The following ASIC2 variants were observed in gnomAD, a reference collection of about 807,000 sequenced individuals.
ASIC2 encodes the protein acid-sensing ion channel 2.
A neutral mutation model predicts 57.3 loss-of-function variants in ASIC2; 25 were observed. The ratio of observed to expected loss-of-function variants is 0.44; its 90% CI spans 0.32 to 0.61. The LOEUF (loss-of-function observed/expected upper bound fraction) is 0.61, where lower values mean the gene tolerates loss of function less well. Among genes scored for constraint, ASIC2 ranks in the 20% least tolerant of loss-of-function variants. The pLI is 0.06. For synonymous variants in ASIC2, 319 were observed against 307.5 expected (o/e 1.04, Z -0.39); for missense variants, 641 against 738.1 (o/e 0.87, Z 1.52).
chr17:33,391,672 A>G (rs1909895734), intron 1 of ASIC2, among the ~76,000 whole-genome samples: 1 of 152,172 alleles, frequency 6.6e-6, no homozygotes, highest in South Asian at 2.1e-4. Context: ...GTTGCACTCA[A>G]TTCCCCCAAT....
chr17:34,124,817 A>G (rs903492245), intron 1 of ASIC2, among the ~76,000 whole-genome samples: 1 of 151,742 alleles, frequency 6.6e-6, no homozygotes, highest in African/African-American at 2.4e-5. Flanking sequence ...GGGTCTCCAC[A>G]CTCATTAACT....
chr17:33,042,263 G>A (rs941243856), intron 3 of ASIC2, among the ~76,000 whole-genome samples: 1 of 152,200 alleles, frequency 6.6e-6, no homozygotes, highest in Non-Finnish European at 1.5e-5. Context: ...TCCTGCCTCT[G>A]CCTGGCTTCA....
chr17:34,075,630 GC>G (rs2142072890), intron 1 of ASIC2, among the ~76,000 whole-genome samples: 1 of 152,040 alleles, frequency 6.6e-6, no homozygotes, highest in African/African-American at 2.4e-5. Context: ...AGCTACAACA[GC>G]CCACCCAATC....
At chr17:33,493,171 C>T (rs540317290) in intron 1 of ASIC2, among the ~76,000 whole-genome samples, 5 of 152,296 alleles carry the variant, frequency 3.3e-5, no homozygotes, top group African/African-American at 1.2e-4. Context: ...GTTATGGTTT[C>T]TTCAGGCTCC....
At chr17:33,376,483 A>G (rs1483464240) in intron 1 of ASIC2, among the ~76,000 whole-genome samples, 4 of 152,202 alleles carry the variant, frequency 2.6e-5, no homozygotes, top group Non-Finnish European at 1.5e-5. Flanking sequence ...TGCATGGAAT[A>G]ATCAATCTTA....
At chr17:34,025,668 C>T (rs1319420685) in intron 1 of ASIC2, among the ~76,000 whole-genome samples, 1 of 152,182 alleles carries the variant, frequency 6.6e-6, no homozygotes, top group African/African-American at 2.4e-5. Context: ...AATGTAATAG[C>T]AGGTTAGGAT....
At chr17:33,410,614 G>A (rs1910625655) in intron 1 of ASIC2, among the ~76,000 whole-genome samples, 1 of 152,114 alleles carries the variant, frequency 6.6e-6, no homozygotes, top group Admixed American at 6.5e-5. Context: ...CTCAGTGCTT[G>A]TCCTTGCCAT....
intron 1 of ASIC2, among the ~76,000 whole-genome samples, chr17:33,392,242 T>C (rs1439183055): frequency 6.9e-6 from 1 of 145,334 alleles, no homozygotes; most frequent in African/African-American, 2.6e-5. Flanking sequence ...TTCCTTCCTT[T>C]TCTTTCTTTC....
chr17:33,441,784 C>T (rs919430406), intron 1 of ASIC2, among the ~76,000 whole-genome samples: 8 of 152,126 alleles, frequency 5.3e-5, no homozygotes, highest in Admixed American at 3.9e-4. Context: ...CCCCTTTTGT[C>T]CAATCATACT....
chr17:33,634,929 C>T (rs1224408849), intron 1 of ASIC2: 1 of 151,994 alleles, frequency 6.6e-6, no homozygotes, highest in Non-Finnish European at 1.5e-5. Context: ...AACTGGCAAA[C>T]AAAGAAATAG....
At chr17:33,473,586 C>G (rs1282839672) in intron 1 of ASIC2, among the ~76,000 whole-genome samples, 1 of 152,138 alleles carries the variant, frequency 6.6e-6, no homozygotes, top group African/African-American at 2.4e-5. Context: ...TGCCCATGAC[C>G]TGGAGAGGTG....
At chr17:33,693,043 G>T (rs3115692) in intron 1 of ASIC2, among the ~76,000 whole-genome samples, 1 of 152,146 alleles carries the variant, frequency 6.6e-6, no homozygotes, top group Non-Finnish European at 1.5e-5. Flanking sequence ...TGGAGGCTCA[G>T]TTGCCTCAAT....
chr17:33,798,624 T>C (rs1019477192), intron 1 of ASIC2, among the ~76,000 whole-genome samples: 3 of 152,228 alleles, frequency 2.0e-5, no homozygotes, highest in Non-Finnish European at 1.5e-5. Flanking sequence ...TTGTGTGTTC[T>C]GTGCCGATGG....
chr17:33,275,557 C>T (rs887667490), intron 1 of ASIC2, among the ~76,000 whole-genome samples: 100 of 152,202 alleles, frequency 6.6e-4, no homozygotes, highest in African/African-American at 2.1e-3. Flanking sequence ...AGCTTAGACC[C>T]GGACTCTTGC....
intron 1 of ASIC2, among the ~76,000 whole-genome samples, chr17:33,673,820 T>A (rs1907718647): frequency 6.6e-6 from 1 of 152,054 alleles, no homozygotes; most frequent in Non-Finnish European, 1.5e-5. Flanking sequence ...TGAAGCTTTG[T>A]AAAGATGTGG....
At chr17:33,157,527 A>G (rs1905040152) in intron 1 of ASIC2, among the ~76,000 whole-genome samples, 1 of 152,180 alleles carries the variant, frequency 6.6e-6, no homozygotes, top group African/African-American at 2.4e-5. Context: ...TAAGTAAACT[A>G]CATCCTTATA....
chr17:33,853,974 T>G (rs1913845175), intron 1 of ASIC2, among the ~76,000 whole-genome samples: 1 of 152,170 alleles, frequency 6.6e-6, no homozygotes, highest in South Asian at 2.1e-4. Flanking sequence ...AGTTTATCTC[T>G]AAAAAAGTTG....
chr17:33,958,319 A>G (rs1904807382), intron 1 of ASIC2, among the ~76,000 whole-genome samples: 2 of 152,138 alleles, frequency 1.3e-5, no homozygotes, highest in African/African-American at 4.8e-5. Context: ...GCCCCATTGG[A>G]AACTTTGTGT....
Position 33,218,785 on chromosome 17 carries a change from C to T in ASIC2, c.708+72623G>A, listed in dbSNP as rs78356532. Among the ~76,000 whole-genome samples the T allele has an allele frequency of 0.01, 1,581 of 152,138 alleles. 66 individuals carry two copies. The East Asian group carries it at 0.13, about 13-fold the overall frequency. ...CGGTAAATCCGATCAGGTTGTTGCT[C>T]GGGGCATCTCTCTTCCCTCCTCACT... On this transcript the variant is annotated intron_variant, in intron 1 of 9. Coordinates refer to ENST00000225823, the MANE Select transcript of ASIC2 (RefSeq NM_183377.2).
Sources: gnomAD v4.1 joint callset for allele counts (sites outside exome capture counted in the v4.1 genomes callset) on GRCh38, gnomAD v4.1.1 for gene constraint, MANE v1.5 for transcripts, NCBI Gene and HGNC (gene_info 2026-07-23, HGNC 2026-07-21) for gene names.